Variants in PLEKHA6 observed in about 807,000 individuals in gnomAD.
PLEKHA6 encodes pleckstrin homology domain-containing family A member 6.
Under a neutral mutation model 116.7 loss-of-function variants are expected in PLEKHA6, and 60 were observed. That is an observed-to-expected ratio of 0.51 (90% CI 0.42 to 0.64). PLEKHA6 has a LOEUF of 0.64. Ranked by LOEUF, PLEKHA6 falls within the 30% of genes least tolerant of loss-of-function variation. The probability of loss-of-function intolerance (pLI) is 0.00; values close to 1 mark genes in which losing one functional copy is unlikely to be tolerated. For synonymous variants in PLEKHA6, 489 were observed against 556.1 expected (o/e 0.88, Z 1.70); for missense variants, 1,338 against 1,422.7 (o/e 0.94, Z 0.96).
At chr1:204,374,624 C>G (rs1428669190) in intron 1 of PLEKHA6, among the ~76,000 whole-genome samples, 2 of 152,116 alleles carry the variant, frequency 1.3e-5, no homozygotes, top group African/African-American at 4.8e-5. Context: ...TTTTATAGAA[C>G]CTCCTTCTGT....
intron 21 of PLEKHA6, among the ~76,000 whole-genome samples, chr1:204,225,863 A>G (rs937622157): frequency 6.6e-6 from 1 of 152,250 alleles, no homozygotes. Flanking sequence ...AAACATGACC[A>G]GATCCAGACA....
rs546610500 is a variant in PLEKHA6, at chr1:204,247,435, T to C, written c.1850A>G (p.Tyr617Cys). 10 of 1,612,932 alleles carry C rather than the reference T, an allele frequency of 6.2e-6. No homozygotes were observed. Among genetic ancestry groups the C allele is most frequent in the Middle Eastern group, 1.7e-4 (1 of 6,056 alleles). ...AGAGACCTCAGACTCGAGGTGCTCATACTCTATGGTGCTGTTTGTCAGGGC... is the reference window on the plus strand; with the variant it reads ...AGAGACCTCAGACTCGAGGTGCTCACACTCTATGGTGCTGTTTGTCAGGGC... ...TTALTNSTIEYEHLESEVSAL... is the reference protein window; with the variant it reads ...TTALTNSTIECEHLESEVSAL... The change falls in exon 13 of 23, where the codon TAT (tyrosine) becomes TGT (cysteine). Residue 617 changes from tyrosine to cysteine, a missense_variant. By Grantham distance (194) the Tyr-to-Cys change is radical. Coordinates refer to ENST00000272203, the MANE Select transcript of PLEKHA6 (RefSeq NM_014935.5).
At chr1:204,294,917 A>C (rs1241005398) in intron 1 of PLEKHA6, among the ~76,000 whole-genome samples, 1 of 152,260 alleles carries the variant, frequency 6.6e-6, no homozygotes, top group Admixed American at 6.5e-5. Flanking sequence ...ATTTATCCTT[A>C]GGAGACAGTG....
At position 204,257,104 on chromosome 1, in the gene PLEKHA6, G is replaced by A. The variant is rs1395932594; in HGVS notation, c.1524+249C>T. Among the ~76,000 whole-genome samples, 1 of 152,208 alleles carries A rather than the reference G, an allele frequency of 6.6e-6. No individual in the cohort carries two copies. The highest frequency in any genetic ancestry group is 1.5e-5 in the Non-Finnish European group (1 of 68,038). ...CTCTTATATGACGGCATGGTATCTG[G>A]CACAACTTGGGGGCATGTACAGAAA... On this transcript the variant is annotated intron_variant, in intron 9 of 22. Transcript: ENST00000272203. This position sits in a 1 kb window ranked among gnomAD's most constrained non-coding sequence, Gnocchi z 6.5.
intron 1 of PLEKHA6, among the ~76,000 whole-genome samples, chr1:204,292,761 C>A (rs1669901207): frequency 6.6e-6 from 1 of 152,228 alleles, no homozygotes; most frequent in South Asian, 2.1e-4. Flanking sequence ...CTAAGGGGAG[C>A]ACTGCAAGAC....
chr1:204,364,405 A>G (rs932328146), upstream of PLEKHA6, among the ~76,000 whole-genome samples: 8 of 152,236 alleles, frequency 5.3e-5, no homozygotes, highest in South Asian at 4.1e-4. Context: ...GGCACACATG[A>G]GGCCGCCTTC....
rs978826554 is a variant in PLEKHA6, at chr1:204,277,591, A to G, written c.-94-2782T>C. The stretch of plus-strand genomic sequence containing the variant: ...ATACAGGCTCCTGAGCTGAAAATCA[A>G]CTTGCTTCTCAGAGATCCTTCAGAT... On this transcript the variant is annotated intron_variant, in intron 1 of 22. Transcript: ENST00000272203. This position sits in a 1 kb window ranked among gnomAD's most constrained non-coding sequence, Gnocchi z 4.1. The G allele has an allele frequency of 1.3e-5, 2 of 152,150 alleles. No individual in the cohort carries two copies. The highest frequency in any genetic ancestry group is 2.1e-4 in the South Asian group (1 of 4,826). 9.4% of individuals were successfully genotyped at this position (152,150 alleles called of 1,614,324 possible). A position where few individuals can be genotyped will look rare whatever the true frequency, so the allele number is the denominator to read the frequency against.
intron 1 of PLEKHA6, among the ~76,000 whole-genome samples, chr1:204,332,069 T>G (rs1672473972): frequency 6.6e-6 from 1 of 152,178 alleles, no homozygotes; most frequent in Admixed American, 6.5e-5. Context: ...ACCTGCCTCC[T>G]GAGGGGCGGA....
At chr1:204,254,360 A>G (rs182526355) in intron 9 of PLEKHA6, among the ~76,000 whole-genome samples, 2 of 152,282 alleles carry the variant, frequency 1.3e-5, no homozygotes, top group East Asian at 3.9e-4. Flanking sequence ...TCGAATTGCG[A>G]CACCGACATG....
At chr1:204,334,970 T>C (rs1235114875) in intron 1 of PLEKHA6, among the ~76,000 whole-genome samples, 2 of 152,108 alleles carry the variant, frequency 1.3e-5, no homozygotes, top group Non-Finnish European at 2.9e-5. Flanking sequence ...TATATTATTA[T>C]TAACTATAGT....
intron 15 of PLEKHA6, among the ~76,000 whole-genome samples, chr1:204,242,562 C>A (rs1006423894): frequency 3.9e-5 from 6 of 152,210 alleles, no homozygotes; most frequent in Non-Finnish European, 2.9e-5. Flanking sequence ...ACTCACCACA[C>A]AACCTCTTCC....
At position 204,261,269 on chromosome 1, in the gene PLEKHA6, C is replaced by A; in HGVS notation, c.524+37G>T. The A allele has an allele frequency of 6.2e-7, 1 of 1,612,946 alleles. No individual in the cohort carries two copies. Among genetic ancestry groups the A allele is most frequent in the Non-Finnish European group, 8.5e-7 (1 of 1,178,912 alleles). ...TGTGTCTTCCATTCCCCTCTTTATT[C>A]TTCCTGCACCCCCACACTCAATTCC... On this transcript the variant is annotated intron_variant, in intron 7 of 22. Transcript: ENST00000272203. This position sits in a 1 kb window ranked among gnomAD's most constrained non-coding sequence, Gnocchi z 4.0.
intron 15 of PLEKHA6, 127 bp downstream of exon 15, chr1:204,244,737 A>G (rs1468016988): frequency 2.0e-5 from 13 of 664,318 alleles, no homozygotes; most frequent in Admixed American, 3.8e-5. Context: ...CTCCTTAAAC[A>G]AAGAGCTCCA....
chr1:204,272,386 C>G (rs762088419), intron 3 of PLEKHA6, among the ~76,000 whole-genome samples: 2 of 152,170 alleles, frequency 1.3e-5, no homozygotes, highest in East Asian at 1.9e-4. Flanking sequence ...GTTCCCCTCA[C>G]GCCTCTGACA....
chr1:204,367,168 G>A (rs1673679388), intron 3 of PLEKHA6, among the ~76,000 whole-genome samples: 1 of 152,060 alleles, frequency 6.6e-6, no homozygotes, highest in Admixed American at 6.5e-5. Flanking sequence ...AAAGAGCTCT[G>A]TCTTCTGCTT....
intron 1 of PLEKHA6, among the ~76,000 whole-genome samples, chr1:204,276,651 C>CAA (rs1277864473): frequency 6.6e-6 from 1 of 150,936 alleles, no homozygotes; most frequent in Non-Finnish European, 1.5e-5. Context: ...CACACACACA[C>CAA]ACACACACAC....
Position 204,228,105 on chromosome 1 carries a change from G to A in PLEKHA6, c.3009C>T (p.Ser1003=), listed in dbSNP as rs1243067991. ...EISCALATEA[S]RRGRMLSVQC... is the part of the protein sequence containing the mutation. Reference sequence around the variant, plus strand: ...CACCAGACAGCATGCGGCCCCTGCGGGAGGCCTCGGTCGCCAGGGCGCAGG... The same window carrying A: ...CACCAGACAGCATGCGGCCCCTGCGAGAGGCCTCGGTCGCCAGGGCGCAGG... Residue 1003 remains serine (S), a synonymous_variant, in exon 21 of 23, where the codon TCC becomes TCT. Transcript: ENST00000272203. This position sits in a 1 kb window ranked among gnomAD's most constrained non-coding sequence, Gnocchi z 4.0. 1.5e-5 allele frequency: 24 copies of A among 1,612,554 alleles called. No homozygotes were observed. The highest frequency in any genetic ancestry group is 2.0e-5 in the Non-Finnish European group (23 of 1,179,274).
Position 204,238,038 on chromosome 1 carries a change from T to A in PLEKHA6, c.2409+3337A>T, listed in dbSNP as rs1662308231. On this transcript the variant is annotated intron_variant, in intron 17 of 22. Coordinates refer to ENST00000272203, the MANE Select transcript of PLEKHA6 (RefSeq NM_014935.5). This position sits in a 1 kb window ranked among gnomAD's most constrained non-coding sequence, Gnocchi z 4.2. The stretch of plus-strand genomic sequence containing the variant: ...TAAGGCGAAGGATATGTTGCTGCAT[T>A]TGGCCCCTCCTACAACCAAGAAAGA... Among the ~76,000 whole-genome samples the A allele has an allele frequency of 2.6e-5, 4 of 152,200 alleles. No individual in the cohort carries two copies. The South Asian group carries it at 8.3e-4, about 32-fold the overall frequency.
At chr1:204,264,849 G>A in intron 6 of PLEKHA6, 93 bp downstream of exon 6, 1 of 941,048 alleles carries the variant, frequency 1.1e-6, no homozygotes, top group East Asian at 2.4e-5. Context: ...GGATTCCTTA[G>A]AGCGATGGCT....
Sources: gnomAD v4.1 joint callset for allele counts (sites outside exome capture counted in the v4.1 genomes callset) on GRCh38, gnomAD v4.1.1 for gene constraint, Gnocchi (gnomAD v3.1) non-coding constraint, MANE v1.5 for transcripts, NCBI Gene and HGNC (gene_info 2026-07-23, HGNC 2026-07-21) for gene names.